RBL2: variants seen among roughly 807,000 people sequenced by gnomAD.
The protein encoded by RBL2 is RB transcriptional corepressor like 2, also known as retinoblastoma-like protein 2.
Under a neutral mutation model 126.0 loss-of-function variants are expected in RBL2, and 56 were observed. That is an observed-to-expected ratio of 0.44 (90% CI 0.36 to 0.56). RBL2 has a LOEUF of 0.56. RBL2 is among the 20% of genes least tolerant of loss of function. The pLI is 0.00. For missense variants in RBL2, 1,229 were observed against 1,398.2 expected (o/e 0.88, Z 1.93); for synonymous variants, 454 against 478.5 (o/e 0.95, Z 0.67).
intron 4 of RBL2, among the ~76,000 whole-genome samples, chr16:53,447,460 A>G (rs904100540): frequency 6.6e-6 from 1 of 152,148 alleles, no homozygotes; most frequent in Non-Finnish European, 1.5e-5. Flanking sequence ...GTTGAGCGCA[A>G]TTACTGATCA....
chr16:53,464,216 T>C lies in RBL2; in HGVS notation c.1561-10T>C. ...TAAATGTTTCTAATGCTAATAACTT[T>C]ATTTTATAGGGTATTCTGGAACAAG... On this transcript the variant is annotated splice_polypyrimidine_tract_variant and intron_variant, in intron 11 of 21. Transcript: ENST00000262133. 1 of 1,538,540 alleles carries C rather than the reference T, an allele frequency of 6.5e-7. No homozygotes were observed. Among genetic ancestry groups the C allele is most frequent in the Non-Finnish European group, 8.8e-7 (1 of 1,142,256 alleles).
In RBL2 at chr16:53,479,162, A is replaced by G; in HGVS notation, c.2712A>G (p.Lys904=). Residue 904 remains lysine (K), a synonymous_variant, in exon 18 of 22, where the codon AAA becomes AAG. Transcript: ENST00000262133. ...CTCTTATTGTTTGCCAGGTCACAAA[A>G]GAAGATAAGTCCTTCCAGAACATTA... ...CAIYVMAKVT[K]EDKSFQNIMR... 1 of 1,613,626 alleles carries G rather than the reference A, an allele frequency of 6.2e-7. No homozygotes were observed. The highest frequency in any genetic ancestry group is 8.5e-7 in the Non-Finnish European group (1 of 1,179,538).
At position 53,491,330 on chromosome 16, in the gene RBL2, T is replaced by TTAGTACCA. The variant is rs1389989372; in HGVS notation, c.*1040_*1047dup. The TTAGTACCA allele has an allele frequency of 3.3e-5, 5 of 152,242 alleles. No individual in the cohort carries two copies. Among genetic ancestry groups the TTAGTACCA allele is most frequent in the African/African-American group, 1.2e-4 (5 of 41,468 alleles). The allele number at this position is 152,242 out of a possible 1,614,324, so 9.4% of individuals were successfully genotyped here. A position where few individuals can be genotyped will look rare whatever the true frequency, so the allele number is the denominator to read the frequency against. On this transcript the variant is annotated 3_prime_UTR_variant, in exon 22 of 22. Transcript: ENST00000262133. ...ATTGGTTGGAGAATTTAGGTTTTTA[T>TTAGTACCA]TAGTACCATAGTACCATTTATACAA... is the stretch of plus-strand genomic sequence containing the variant.
chr16:53,483,064 C>G (rs1961019106), intron 21 of RBL2, among the ~76,000 whole-genome samples: 1 of 151,962 alleles, frequency 6.6e-6, no homozygotes, highest in Non-Finnish European at 1.5e-5. Flanking sequence ...TTGATGATGC[C>G]TAGCAGATTA....
At chr16:53,440,550 A>G (rs972301298) in intron 2 of RBL2, among the ~76,000 whole-genome samples, 1 of 152,210 alleles carries the variant, frequency 6.6e-6, no homozygotes. Flanking sequence ...GTAGAAAGAT[A>G]ACATTTCATT....
chr16:53,451,585 TA>T, intron 4 of RBL2, 117 bp from the exon 5 acceptor site: 2 of 1,119,844 alleles, frequency 1.8e-6, no homozygotes, highest in Non-Finnish European at 2.5e-6. Flanking sequence ...ACACTTATTG[TA>T]ATGAGTCAAT....
intron 1 of RBL2, among the ~76,000 whole-genome samples, chr16:53,437,223 T>C (rs1259101014): frequency 6.6e-6 from 1 of 152,076 alleles, no homozygotes; most frequent in South Asian, 2.1e-4. Context: ...GCAGTAGTTA[T>C]GCATCTAAAT....
rs765939821 is a variant in RBL2, at chr16:53,454,825, C to A, written c.1162C>A (p.Gln388Lys). 4 of 1,609,922 alleles carry A rather than the reference C, an allele frequency of 2.5e-6. No individual in the cohort carries two copies. The highest frequency in any genetic ancestry group is 2.2e-5 in the East Asian group (1 of 44,742). Residue 388 changes from glutamine (Q) to lysine (K), a missense_variant, in exon 8 of 22, where the codon CAG (glutamine) becomes AAG (lysine). By Grantham distance (53) the Gln-to-Lys change is moderately conservative. Around this residue, in one of 2 missense-constraint regions of RBL2, gnomAD observed 1,070 missense variants for 1,274.3 expected, o/e 0.84. Coordinates refer to ENST00000262133, the MANE Select transcript of RBL2 (RefSeq NM_005611.4). The part of the protein sequence containing the change: ...AERVQMKNIL[Q>K]QHFDKSKALR... ...AAGGGTGCAGATGAAAAACATCTTA[C>A]AGCAGCATTTTGACAAGGTGAGTTT...
chr16:53,470,545 G>A lies in RBL2; in HGVS notation c.2408G>A (p.Gly803Asp), dbSNP rs764848172. 1 of 1,614,108 alleles carries A rather than the reference G, an allele frequency of 6.2e-7. No homozygotes were observed. Among genetic ancestry groups the A allele is most frequent in the Admixed American group, 1.7e-5 (1 of 60,002 alleles). ...QVTGTTLQVP[G>D]QVAIQQISPG... ...ACAGGAACAACTTTGCAAGTCCCTG[G>A]TCAAGTGGCCATTCAACAGATTTCC... Residue 803 changes from glycine to aspartate, a missense_variant, in exon 16 of 22, where the codon GGT becomes GAT. Around this residue, in one of 2 missense-constraint regions of RBL2, gnomAD observed 1,070 missense variants for 1,274.3 expected, o/e 0.84. Coordinates refer to ENST00000262133, the MANE Select transcript of RBL2 (RefSeq NM_005611.4).
At chr16:53,489,156 T>C (rs970149161) in intron 21 of RBL2, 2 of 152,110 alleles carry the variant, frequency 1.3e-5, no homozygotes, top group African/African-American at 4.8e-5. Context: ...TTTATTACTT[T>C]AAAGAATAAA....
intron 10 of RBL2, among the ~76,000 whole-genome samples, 176 bp downstream of exon 10, chr16:53,462,026 G>T (rs2058226586): frequency 6.6e-6 from 1 of 152,188 alleles, no homozygotes. Context: ...CAGTAAGATA[G>T]AAATTTTAGA....
At chr16:53,457,271 T>G (rs918831679) in intron 8 of RBL2, among the ~76,000 whole-genome samples, 3 of 128,036 alleles carry the variant, frequency 2.3e-5, no homozygotes, top group Non-Finnish European at 5.0e-5. Flanking sequence ...TTTTTTTTTT[T>G]TTTTTTGAGA....
chr16:53,441,978 G>A (rs995277979), intron 2 of RBL2, among the ~76,000 whole-genome samples: 6 of 151,942 alleles, frequency 3.9e-5, no homozygotes, highest in African/African-American at 9.7e-5. Flanking sequence ...CCGCCACCAC[G>A]CCCAGCTAAT....
chr16:53,458,804 C>T (rs2058192062), intron 8 of RBL2, among the ~76,000 whole-genome samples: 1 of 152,102 alleles, frequency 6.6e-6, no homozygotes, highest in Non-Finnish European at 1.5e-5. Context: ...CGTCAGATCT[C>T]GCGAGACGTA....
In RBL2 at chr16:53,470,767, C is replaced by T. The variant is rs749186149; in HGVS notation, c.2548C>T (p.Arg850Cys). 4.3e-6 allele frequency: 7 copies of T among 1,614,000 alleles called. No homozygotes were observed. Among genetic ancestry groups the T allele is most frequent in the Non-Finnish European group, 4.2e-6 (5 of 1,179,974 alleles). Residue 850 changes from arginine (R) to cysteine (C), a missense_variant, in exon 17 of 22, where the codon CGC becomes TGC. Arg to Cys is a radical substitution (Grantham distance 180). Around this residue, in one of 2 missense-constraint regions of RBL2, gnomAD observed 1,070 missense variants for 1,274.3 expected, o/e 0.84. Transcript: ENST00000262133. ...FRKVYHLAAV[R>C]LRDLCAKLDI... ...CTAGGTATACCATTTAGCAGCTGTC[C>T]GCCTTCGGGATCTCTGTGCCAAACT...
At chr16:53,466,713 T>C (rs978775726) in intron 13 of RBL2, 1 of 209,552 alleles carries the variant, frequency 4.8e-6, no homozygotes, top group Non-Finnish European at 9.6e-6. Context: ...GATGAAGCTT[T>C]GCTCGCATGC....
At position 53,453,732 on chromosome 16, in the gene RBL2, A is replaced by C. The variant is rs369293435; in HGVS notation, c.955A>C (p.Thr319Pro). The C allele has an allele frequency of 4.3e-6, 7 of 1,611,418 alleles. No homozygotes were observed. Among genetic ancestry groups the C allele is most frequent in the Non-Finnish European group, 5.9e-6 (7 of 1,178,978 alleles). Reference protein sequence around the residue: ...KLLKGKEENLTGFLEPGNFGE... With the variant: ...KLLKGKEENLPGFLEPGNFGE... ...CCTTAAGGGAAAAGAAGAAAATCTC[A>C]CTGGGTTTCTAGAACCTGGGAACTT... The change falls in exon 7 of 22, where the codon ACT (threonine) becomes CCT (proline). Residue 319 changes from threonine (T) to proline (P), a missense_variant. By Grantham distance (38) the Thr-to-Pro change is conservative. Coordinates refer to ENST00000262133, the MANE Select transcript of RBL2 (RefSeq NM_005611.4).
At chr16:53,440,994 C>T (rs1221099092) in intron 2 of RBL2, among the ~76,000 whole-genome samples, 1 of 119,602 alleles carries the variant, frequency 8.4e-6, no homozygotes, top group Non-Finnish European at 1.6e-5. Context: ...GAGTCTCACT[C>T]TGCTGCCCAG....
At chr16:53,464,188 A>G (rs775422790) in intron 11 of RBL2, 38 bp from the exon 12 acceptor site, 2 of 1,454,628 alleles carry the variant, frequency 1.4e-6, no homozygotes, top group Admixed American at 4.8e-5. Context: ...TTTTTAGACT[A>G]AGTAAATGTT....
Sources: gnomAD v4.1 joint callset for allele counts (sites outside exome capture counted in the v4.1 genomes callset) on GRCh38, gnomAD v4.1.1 for gene constraint, gnomAD v4.1.1 regional missense constraint, MANE v1.5 for transcripts, NCBI Gene and HGNC (gene_info 2026-07-23, HGNC 2026-07-21) for gene names.